Variants in ADCY3 observed in about 807,000 individuals in gnomAD.
The protein encoded by ADCY3 is adenylate cyclase 3.
Under a neutral mutation model 119.4 loss-of-function variants are expected in ADCY3, and 70 were observed. The ratio of observed to expected loss-of-function variants is 0.59; its 90% CI spans 0.48 to 0.72. The LOEUF is 0.72. ADCY3 is among the 30% of genes least tolerant of loss of function. The pLI is 0.00. For synonymous variants in ADCY3, 672 were observed against 621.4 expected (o/e 1.08, Z -1.21); for missense variants, 1,238 against 1,541.6 (o/e 0.80, Z 3.30).
At chr2:24,888,502 A>G (rs1021109355) in intron 2 of ADCY3, among the ~76,000 whole-genome samples, 4 of 152,304 alleles carry the variant, frequency 2.6e-5, no homozygotes, top group Non-Finnish European at 5.9e-5. Context: ...CCTTCACACC[A>G]TTAGTCAACA....
At chr2:24,893,709 A>T (rs1230012440) in intron 2 of ADCY3, among the ~76,000 whole-genome samples, 1 of 151,896 alleles carries the variant, frequency 6.6e-6, no homozygotes, top group Non-Finnish European at 1.5e-5. Context: ...GCTCGCTCAA[A>T]TGATCCTCCC....
rs1046263210 is a variant in ADCY3 at position 24,873,000 on chromosome 2, G to A, written c.676-281C>T. ...GTGCAGGCGTTCAAGCCTGGCTGAG[G>A]GGCTGTGGATCCCCCCTCCGGCTTC... On this transcript the variant is annotated intron_variant, in intron 2 of 21. Coordinates refer to ENST00000679454, the MANE Select transcript of ADCY3 (RefSeq NM_004036.5). This position sits in a 1 kb window ranked among gnomAD's most constrained non-coding sequence, Gnocchi z 4.4. Among the ~76,000 whole-genome samples, 2 of 152,184 alleles carry A rather than the reference G, an allele frequency of 1.3e-5. No homozygotes were observed. Among genetic ancestry groups the A allele is most frequent in the Non-Finnish European group, 2.9e-5 (2 of 68,012 alleles).
At position 24,842,292 on chromosome 2, in the gene ADCY3, C is replaced by T; in HGVS notation, c.918G>A (p.Gln306=). The part of the protein sequence containing the change: ...KKDESQKDQQ[Q]FNTMYMYRHE... Reference sequence around the variant, plus strand: ...GACGGTACATGTACATGGTGTTGAACTGCTGCTGGTCCTTCTGGCTCTCGT... The same window carrying T: ...GACGGTACATGTACATGGTGTTGAATTGCTGCTGGTCCTTCTGGCTCTCGT... Residue 306 remains glutamine, a synonymous_variant, in exon 4 of 22, where the codon CAG becomes CAA. Transcript: ENST00000679454. The surrounding 1 kb of genome is among the most constrained non-coding windows in gnomAD (Gnocchi z 4.9). 6.2e-7 allele frequency: 1 copy of T among 1,614,192 alleles called. No individual in the cohort carries two copies. The highest frequency in any genetic ancestry group is 1.3e-5 in the African/African-American group (1 of 75,070).
At chr2:24,870,231 G>C (rs1674810245) in intron 3 of ADCY3, among the ~76,000 whole-genome samples, 1 of 148,426 alleles carries the variant, frequency 6.7e-6, no homozygotes, top group Non-Finnish European at 1.5e-5. Flanking sequence ...TGAGGCAGGA[G>C]AATCGCTTGA....
chr2:24,831,064 C>A (rs994679048), intron 12 of ADCY3, among the ~76,000 whole-genome samples: 1 of 152,138 alleles, frequency 6.6e-6, no homozygotes, highest in South Asian at 2.1e-4. Context: ...CAGGTCGCAG[C>A]CCTTTCCACA....
intron 3 of ADCY3, among the ~76,000 whole-genome samples, chr2:24,860,364 A>G (rs937387367): frequency 2.0e-5 from 3 of 152,210 alleles, no homozygotes; most frequent in Admixed American, 2.0e-4. Flanking sequence ...GGGAGGCTGG[A>G]CCAAGGTCAG....
intron 2 of ADCY3, among the ~76,000 whole-genome samples, chr2:24,893,766 C>T (rs537082509): frequency 1.3e-4 from 20 of 151,860 alleles, no homozygotes; most frequent in African/African-American, 4.8e-4. Context: ...CACCACTACT[C>T]CTGGCTAACT....
chr2:24,872,680 C>A lies in ADCY3; in HGVS notation c.715G>T (p.Val239Leu). ...NVFLYLCAIA[V>L]GIMSYYMADR... ...GCCATGTAGTAGGACATGATGCCCA[C>A]AGCGATGGCGCACAGGTAGAGGAAG... is the stretch of plus-strand genomic sequence containing the variant. The change falls in exon 3 of 22, where the codon GTG becomes TTG. Residue 239 changes from valine to leucine, a missense_variant. Physicochemically the swap from Val to Leu is conservative, Grantham distance 32. This residue lies in a region of ADCY3 where 283 missense variants were observed against 437.2 expected (regional missense o/e 0.65). Coordinates refer to ENST00000679454, the MANE Select transcript of ADCY3 (RefSeq NM_004036.5). The surrounding 1 kb of genome is among the most constrained non-coding windows in gnomAD (Gnocchi z 4.4). The A allele has an allele frequency of 6.2e-7, 1 of 1,614,208 alleles. No homozygotes were observed.
At chr2:24,909,335 A>G (rs567283865) in intron 2 of ADCY3, among the ~76,000 whole-genome samples, 8 of 151,920 alleles carry the variant, frequency 5.3e-5, no homozygotes, top group Middle Eastern at 3.4e-3. Context: ...GCAAATCTCT[A>G]CCTCCTGGGA....
Position 24,898,442 on chromosome 2 carries a change from C to T in ADCY3, c.675+19871G>A, listed in dbSNP as rs1169873812. ...GGGCTGTCCTCGGGGAGAGGGGCTT[C>T]GTGTACTTCACACAGTGCTTCATGA... On this transcript the variant is annotated intron_variant, in intron 2 of 21. Transcript: ENST00000679454. This position sits in a 1 kb window ranked among gnomAD's most constrained non-coding sequence, Gnocchi z 4.3. Among the ~76,000 whole-genome samples, 2 of 152,100 alleles carry T rather than the reference C, an allele frequency of 1.3e-5. No homozygotes were observed. The highest frequency in any genetic ancestry group is 4.2e-4 in the South Asian group (2 of 4,818).
chr2:24,835,274 T>C (rs1260041500), intron 9 of ADCY3, among the ~76,000 whole-genome samples: 1 of 152,156 alleles, frequency 6.6e-6, no homozygotes, highest in African/African-American at 2.4e-5. Context: ...GCTGAGGCAG[T>C]CCTGGCACTT....
intron 2 of ADCY3, among the ~76,000 whole-genome samples, chr2:24,876,363 G>A (rs752036646): frequency 1.3e-5 from 2 of 152,106 alleles, no homozygotes; most frequent in African/African-American, 4.8e-5. Flanking sequence ...TGAGCTGCAC[G>A]CATTTTAAAT....
intron 3 of ADCY3, among the ~76,000 whole-genome samples, chr2:24,867,403 G>A (rs746638729): frequency 6.6e-5 from 10 of 152,202 alleles, no homozygotes; most frequent in Non-Finnish European, 1.3e-4. Context: ...AGGGGATCAG[G>A]CCATGAGGGT....
At chr2:24,823,410 T>C in intron 17 of ADCY3, 55 bp from the exon 18 acceptor site, 1 of 1,578,990 alleles carries the variant, frequency 6.3e-7, no homozygotes, top group Non-Finnish European at 8.6e-7. Flanking sequence ...CTGGATGATG[T>C]GTTGGAGAAA....
intron 13 of ADCY3, among the ~76,000 whole-genome samples, chr2:24,830,260 C>T (rs1438232381): frequency 1.3e-5 from 2 of 151,674 alleles, no homozygotes; most frequent in African/African-American, 4.9e-5. Flanking sequence ...AGGCTGGTTT[C>T]GAACTCCTGA....
At position 24,900,614 on chromosome 2, in the gene ADCY3, C is replaced by T. The variant is rs1255826568; in HGVS notation, c.675+17699G>A. Among the ~76,000 whole-genome samples the T allele has an allele frequency of 5.9e-5, 9 of 151,964 alleles. No individual in the cohort carries two copies. The East Asian group carries it at 1.6e-3, about 26-fold the overall frequency. On this transcript the variant is annotated intron_variant, in intron 2 of 21. Coordinates refer to ENST00000679454, the MANE Select transcript of ADCY3 (RefSeq NM_004036.5). The stretch of plus-strand genomic sequence containing the variant: ...CTACACCTAGAGAAAGTGCCCAGGA[C>T]CATGTAAGGTCTGGAAACCATGTCG...
In ADCY3 at chr2:24,828,148, T is replaced by C. The variant is rs1668888497; in HGVS notation, c.2186A>G (p.Gln729Arg). 3.1e-6 allele frequency: 5 copies of C among 1,613,748 alleles called. No homozygotes were observed. Among genetic ancestry groups the C allele is most frequent in the Non-Finnish European group, 4.2e-6 (5 of 1,179,928 alleles). ...TGCATTGCTGGGTCCCGTGTAGTAC[T>C]GGAGACAGCTGAGCTGGAGGCCAGG... ...ANVVDMLSCL[Q>R]YYTGPSNATA... The change falls in exon 14 of 22, where the codon CAG becomes CGG. Residue 729 changes from glutamine (Q) to arginine (R), a missense_variant. By Grantham distance (43) the Gln-to-Arg change is conservative. Transcript: ENST00000679454.
At chr2:24,859,149 G>A (rs1181019532) in intron 3 of ADCY3, among the ~76,000 whole-genome samples, 1 of 152,202 alleles carries the variant, frequency 6.6e-6, no homozygotes, top group Non-Finnish European at 1.5e-5. Flanking sequence ...AGAAGATAGC[G>A]AGTACAATGC....
chr2:24,845,240 G>A (rs1671528636), intron 3 of ADCY3, among the ~76,000 whole-genome samples: 1 of 152,244 alleles, frequency 6.6e-6, no homozygotes, highest in South Asian at 2.1e-4. Context: ...CTTTGGAACT[G>A]GGTAACAGGC....
Sources: allele counts gnomAD v4.1 joint callset (sites outside exome capture counted in the v4.1 genomes callset), GRCh38; gene constraint gnomAD v4.1.1; regional missense constraint gnomAD v4.1.1; non-coding constraint Gnocchi (gnomAD v3.1); transcripts MANE v1.5; gene names NCBI Gene and HGNC (gene_info 2026-07-23, HGNC 2026-07-21).